Variants in SH3RF1 observed in about 807,000 individuals in gnomAD.
The protein encoded by SH3RF1 is SH3 domain containing ring finger 1, also known as E3 ubiquitin-protein ligase SH3RF1.
Under a neutral mutation model 74.0 loss-of-function variants are expected in SH3RF1, and 32 were observed. That is an observed-to-expected ratio of 0.43 (90% CI 0.33 to 0.58). The LOEUF (loss-of-function observed/expected upper bound fraction) is 0.58. Ranked by LOEUF, SH3RF1 falls within the 20% of genes least tolerant of loss-of-function variation. The probability of loss-of-function intolerance (pLI) is 0.05; values close to 1 mark genes in which losing one functional copy is unlikely to be tolerated. For missense variants in SH3RF1, 954 were observed against 1,130.9 expected (o/e 0.84, Z 2.24); for synonymous variants, 396 against 439.6 (o/e 0.90, Z 1.24).
At chr4:169,235,326 T>C (rs993794289) in intron 2 of SH3RF1, among the ~76,000 whole-genome samples, 29 of 152,228 alleles carry the variant, frequency 1.9e-4, no homozygotes, top group African/African-American at 7.0e-4. Context: ...ATTTACTCTC[T>C]GGCATGACAA....
At position 169,217,226 on chromosome 4, in the gene SH3RF1, A is replaced by G. The variant is rs1295348129; in HGVS notation, c.393+51594T>C. The stretch of plus-strand genomic sequence containing the variant: ...TTCTTGCTATTTCTTATATAGTCAG[A>G]CAAGGCTTGGTTCAACACCCTGAGC... On this transcript the variant is annotated intron_variant, in intron 2 of 11. Coordinates refer to ENST00000284637, the MANE Select transcript of SH3RF1 (RefSeq NM_020870.4). 5 of 152,258 alleles carry G rather than the reference A, an allele frequency of 3.3e-5. No homozygotes were observed. The East Asian group carries it at 9.6e-4, about 29-fold the overall frequency. The allele number at this position is 152,258 out of a possible 1,614,324, so 9.4% of individuals were successfully genotyped here. A position where few individuals can be genotyped will look rare whatever the true frequency, so the allele number is the denominator to read the frequency against.
At chr4:169,194,741 T>C (rs920660858) in intron 2 of SH3RF1, among the ~76,000 whole-genome samples, 8 of 152,186 alleles carry the variant, frequency 5.3e-5, no homozygotes, top group Admixed American at 1.3e-4. Context: ...TGCTAGATCA[T>C]AGGGTATGCA....
intron 2 of SH3RF1, among the ~76,000 whole-genome samples, chr4:169,178,960 G>A (rs1323893634): frequency 6.6e-6 from 1 of 152,116 alleles, no homozygotes; most frequent in Non-Finnish European, 1.5e-5. Flanking sequence ...GGAAGTCCAG[G>A]GAAAAATACA....
At chr4:169,199,630 T>C (rs902876667) in intron 2 of SH3RF1, among the ~76,000 whole-genome samples, 6 of 149,838 alleles carry the variant, frequency 4.0e-5, no homozygotes, top group Non-Finnish European at 7.4e-5. Flanking sequence ...AAAAAAAAAA[T>C]AAATAAATAA....
intron 5 of SH3RF1, 146 bp from the exon 6 acceptor site, chr4:169,130,302 C>T (rs925312236): frequency 2.0e-5 from 12 of 609,308 alleles, no homozygotes; most frequent in Non-Finnish European, 2.5e-5. Context: ...TTTTAGTCTG[C>T]TCAACCCAAA....
Position 169,136,461 on chromosome 4 carries a change from T to G in SH3RF1, c.925A>C (p.Thr309Pro). 6.2e-7 allele frequency: 1 copy of G among 1,612,848 alleles called. No homozygotes were observed. The change falls in exon 5 of 12, where the codon ACT (threonine) becomes CCT (proline). Residue 309 changes from threonine to proline, a missense_variant. Transcript: ENST00000284637. ...GCCTGGGAGGACTTGTTGGCCATAG[T>G]GAGGGAAGTGAAGGAGTGCCGCTTT... ...TKKRHSFTSL[T>P]MANKSSQASQ... is the part of the protein sequence containing the mutation.
chr4:169,155,677 G>A (rs998513501), intron 3 of SH3RF1, 102 bp from the exon 4 acceptor site: 83 of 828,016 alleles, frequency 1.0e-4, no homozygotes, highest in Non-Finnish European at 1.3e-4. Context: ...GTTTTAAAGA[G>A]TACATGAATA....
intron 2 of SH3RF1, among the ~76,000 whole-genome samples, chr4:169,247,443 G>A (rs983161432): frequency 6.6e-6 from 1 of 152,316 alleles, no homozygotes; most frequent in Non-Finnish European, 1.5e-5. Flanking sequence ...CTGCAGGCAG[G>A]CCTGGTAACA....
chr4:169,165,994 T>C (rs776013141), intron 2 of SH3RF1, among the ~76,000 whole-genome samples: 9 of 152,084 alleles, frequency 5.9e-5, no homozygotes, highest in Admixed American at 1.3e-4. Flanking sequence ...ATGTAAAAGC[T>C]AAAACTGTAA....
chr4:169,103,999 T>C (rs1402120716), intron 11 of SH3RF1, among the ~76,000 whole-genome samples: 1 of 152,182 alleles, frequency 6.6e-6, no homozygotes, highest in Non-Finnish European at 1.5e-5. Flanking sequence ...TGAAATGCCA[T>C]CACCTGTCTG....
Position 169,114,612 on chromosome 4 carries a change from G to A in SH3RF1, c.2139+1657C>T, listed in dbSNP as rs572126245. Among the ~76,000 whole-genome samples the A allele has an allele frequency of 3.9e-5, 6 of 152,246 alleles. No homozygotes were observed. The South Asian group carries it at 8.3e-4, about 21-fold the overall frequency. ...TGAAGAGTCCCTGTTCTTATCAGTG[G>A]CAAGGGCTCTGAGACACATTGTCAT... is the stretch of plus-strand genomic sequence containing the variant. On this transcript the variant is annotated intron_variant, in intron 10 of 11. Coordinates refer to ENST00000284637, the MANE Select transcript of SH3RF1 (RefSeq NM_020870.4).
At chr4:169,157,607 C>T (rs1454235445) in intron 2 of SH3RF1, among the ~76,000 whole-genome samples, 1 of 152,176 alleles carries the variant, frequency 6.6e-6, no homozygotes, top group Non-Finnish European at 1.5e-5. Context: ...TGTTGCATAT[C>T]GTTGATTCAG....
At position 169,232,021 on chromosome 4, in the gene SH3RF1, A is replaced by G. The variant is rs142095087; in HGVS notation, c.393+36799T>C. Among the ~76,000 whole-genome samples the G allele has an allele frequency of 2.6e-3, 402 of 152,300 alleles. 11 individuals are homozygous for G. In the East Asian group the frequency reaches 0.06, roughly 23 times the overall value. On this transcript the variant is annotated intron_variant, in intron 2 of 11. Transcript: ENST00000284637. The stretch of plus-strand genomic sequence containing the variant: ...CTTACGGCCTCCACTGAAGGGAGAG[A>G]GCACCAGGCCAGGTTTCTGGTTAGG...
chr4:169,135,568 T>C (rs1733686329), intron 5 of SH3RF1, among the ~76,000 whole-genome samples: 1 of 152,146 alleles, frequency 6.6e-6, no homozygotes, highest in African/African-American at 2.4e-5. Flanking sequence ...TATAATTAGG[T>C]TCTTTTTGTA....
intron 11 of SH3RF1, among the ~76,000 whole-genome samples, chr4:169,098,494 AT>A (rs1471076537): frequency 1.3e-5 from 2 of 152,218 alleles, no homozygotes; most frequent in Non-Finnish European, 2.9e-5. Context: ...GTCCCAGACT[AT>A]TACACTAAAA....
At chr4:169,220,224 A>G (rs1561056476) in intron 2 of SH3RF1, 1 of 152,232 alleles carries the variant, frequency 6.6e-6, no homozygotes, top group Non-Finnish European at 1.5e-5. Context: ...ATTTAAATTC[A>G]CATGTATTTC....
At position 169,096,180 on chromosome 4, in the gene SH3RF1, G is replaced by A. The variant is rs1271465778; in HGVS notation, c.*339C>T. On this transcript the variant is annotated 3_prime_UTR_variant, in exon 12 of 12. Transcript: ENST00000284637. ...AATCCAAAGAACGTATCTATTATAC[G>A]AAAAGTTCAAGTTTAAAAAAGCAAA... 4.6e-5 allele frequency: 9 copies of A among 193,956 alleles called. No individual in the cohort carries two copies. Among genetic ancestry groups the A allele is most frequent in the South Asian group, 1.9e-4 (1 of 5,290 alleles). The allele number at this position is 193,956 out of a possible 1,614,324, so 12.0% of individuals were successfully genotyped here. A position where few individuals can be genotyped will look rare whatever the true frequency, so the allele number is the denominator to read the frequency against.
intron 2 of SH3RF1, among the ~76,000 whole-genome samples, chr4:169,245,487 C>T (rs1431778488): frequency 1.3e-5 from 2 of 152,172 alleles, no homozygotes; most frequent in Non-Finnish European, 2.9e-5. Flanking sequence ...TGATAGCACA[C>T]AGATGACATA....
Position 169,106,960 on chromosome 4 carries a change from A to G in SH3RF1, c.2385T>C (p.Phe795=), listed in dbSNP as rs755635487. 11 of 1,613,942 alleles carry G rather than the reference A, an allele frequency of 6.8e-6. No individual in the cohort carries two copies. In the East Asian group the frequency reaches 2.5e-4, roughly 36 times the overall value. The change falls in exon 11 of 12, where the codon TTT becomes TTC. Residue 795 remains phenylalanine, a synonymous_variant. Transcript: ENST00000284637. ...VAGAALAQDA[F]HRKASSLDSA... is the part of the protein sequence containing the mutation. ...AGTCCAGGGAACTTGCCTTCCTATG[A>G]AAAGCATCCTGGGCCAGGGCTGCTC...
Sources: gnomAD v4.1 joint callset for allele counts (sites outside exome capture counted in the v4.1 genomes callset) on GRCh38, gnomAD v4.1.1 for gene constraint, MANE v1.5 for transcripts, NCBI Gene and HGNC (gene_info 2026-07-23, HGNC 2026-07-21) for gene names.